The following SORCS2 variants were observed in gnomAD, a reference collection of about 807,000 sequenced individuals.
SORCS2 encodes the protein VPS10 domain-containing receptor SorCS2.
Under a neutral mutation model 141.6 loss-of-function variants are expected in SORCS2, and 100 were observed. The ratio of observed to expected loss-of-function variants is 0.71; its 90% confidence interval spans 0.60 to 0.83. The LOEUF (loss-of-function observed/expected upper bound fraction) is 0.83, where lower values mean the gene tolerates loss of function less well. Ranked by LOEUF, SORCS2 falls within the 40% of genes least tolerant of loss-of-function variation. SORCS2 has a pLI of 0.00. For missense variants in SORCS2, 1,646 were observed against 1,560.2 expected (o/e 1.05, Z -0.93); for synonymous variants, 789 against 676.9 (o/e 1.17, Z -2.57).
rs1361263123 is a variant in SORCS2, at chr4:7,427,471, G to A, written c.548+31116G>A. ...ATGGGCCAGAGCACCTCATGGGGAC[G>A]GGATGAGACGGTGGCAGGGGCCGAG... On this transcript the variant is annotated intron_variant, in intron 2 of 26. Transcript: ENST00000507866. 2.6e-5 allele frequency among the ~76,000 whole-genome samples: 4 copies of A among 152,206 alleles called. No homozygotes were observed. In the East Asian group the frequency reaches 5.8e-4, roughly 22 times the overall value.
At position 7,342,787 on chromosome 4, in the gene SORCS2, C is replaced by T. The variant is rs781263995; in HGVS notation, c.481-53501C>T. 5.9e-5 allele frequency among the ~76,000 whole-genome samples: 9 copies of T among 152,164 alleles called. No individual in the cohort carries two copies. In the South Asian group the frequency reaches 1.0e-3, roughly 18 times the overall value. ...AGGGGTAATTGGCCGCTGGCATGGG[C>T]GGTAATTATAACGGTTGTTAACCCG... On this transcript the variant is annotated intron_variant, in intron 1 of 26. Transcript: ENST00000507866.
rs149068278 is a variant in SORCS2, at chr4:7,249,449, G to C, written c.480+56323G>C. On this transcript the variant is annotated intron_variant, in intron 1 of 26. Transcript: ENST00000507866. The stretch of plus-strand genomic sequence containing the variant: ...AGTGTCCCTTCAGCTGTCTTCTGTG[G>C]GCCGAGAAGTTGCAGAGCAAGCCCA... 1.0e-3 allele frequency among the ~76,000 whole-genome samples: 156 copies of C among 152,302 alleles called. 2 individuals are homozygous for C. In the East Asian group the frequency reaches 0.029, roughly 28 times the overall value.
At chr4:7,457,129 C>A (rs779103583) in intron 2 of SORCS2, among the ~76,000 whole-genome samples, 6 of 152,182 alleles carry the variant, frequency 3.9e-5, no homozygotes, top group Non-Finnish European at 8.8e-5. Context: ...TGACATCAGT[C>A]AACCAGAGTG....
Position 7,201,449 on chromosome 4 carries a change from G to A in SORCS2, c.480+8323G>A, listed in dbSNP as rs184579498. 6.6e-6 allele frequency among the ~76,000 whole-genome samples: 1 copy of A among 152,302 alleles called. No individual in the cohort carries two copies. Among genetic ancestry groups the A allele is most frequent in the East Asian group, 1.9e-4 (1 of 5,186 alleles). On this transcript the variant is annotated intron_variant, in intron 1 of 26. Transcript: ENST00000507866. This position sits in a 1 kb window ranked among gnomAD's most constrained non-coding sequence, Gnocchi z 4.4. Reference sequence around the variant, plus strand: ...ATAAATTAGCCTCATTCCTCGGCACGCCCCTCAGATGAGAAGGCAGCCCAG... The same window carrying A: ...ATAAATTAGCCTCATTCCTCGGCACACCCCTCAGATGAGAAGGCAGCCCAG...
intron 3 of SORCS2, among the ~76,000 whole-genome samples, chr4:7,587,416 G>C (rs1342761256): frequency 1.3e-5 from 2 of 152,158 alleles, no homozygotes; most frequent in Non-Finnish European, 2.9e-5. Flanking sequence ...TGCCACCCCT[G>C]TCCTGGGAAT....
intron 3 of SORCS2, among the ~76,000 whole-genome samples, chr4:7,635,835 G>A (rs543476414): frequency 2.1e-4 from 32 of 152,276 alleles, no homozygotes; most frequent in African/African-American, 7.5e-4. Flanking sequence ...ATCTTTCTCC[G>A]TCAGGCCCTT....
At chr4:7,251,714 G>A (rs1356395006) in intron 1 of SORCS2, among the ~76,000 whole-genome samples, 4 of 152,154 alleles carry the variant, frequency 2.6e-5, no homozygotes, top group African/African-American at 7.2e-5. Flanking sequence ...GGATGGGGAG[G>A]TGAGAAGTCC....
intron 3 of SORCS2, among the ~76,000 whole-genome samples, chr4:7,538,277 C>G (rs187597696): frequency 2.1e-3 from 317 of 152,352 alleles, no homozygotes; most frequent in African/African-American, 7.3e-3. Flanking sequence ...TCGCCTGCAG[C>G]AGAATCAGCA....
At chr4:7,321,839 C>T (rs1009873028) in intron 1 of SORCS2, among the ~76,000 whole-genome samples, 2 of 152,178 alleles carry the variant, frequency 1.3e-5, no homozygotes, top group Non-Finnish European at 2.9e-5. Flanking sequence ...TGGAATGAGC[C>T]AGGGCCTGAG....
intron 1 of SORCS2, among the ~76,000 whole-genome samples, chr4:7,198,520 C>T (rs2108854440): frequency 6.6e-6 from 1 of 152,204 alleles, no homozygotes; most frequent in East Asian, 1.9e-4. Flanking sequence ...TGGATTGGAG[C>T]CTGAGGTGTG....
At chr4:7,639,020 A>AGCGGGGGGCC (rs1406480828) in intron 4 of SORCS2, among the ~76,000 whole-genome samples, 5 of 151,600 alleles carry the variant, frequency 3.3e-5, no homozygotes, top group Non-Finnish European at 5.9e-5. Context: ...TGAGTGGGGG[A>AGCGGGGGGCC]GCGGGGGGCC....
intron 2 of SORCS2, among the ~76,000 whole-genome samples, chr4:7,467,220 C>T (rs749994): frequency 0.26 from 39,041 of 152,162 alleles, 5,220 homozygotes; most frequent in African/African-American, 0.31. Context: ...TTGGAAGCTG[C>T]CAGACATGGG....
intron 26 of SORCS2, among the ~76,000 whole-genome samples, chr4:7,739,324 C>T (rs1010773126): frequency 7.9e-5 from 12 of 152,246 alleles, no homozygotes; most frequent in South Asian, 2.1e-4. Context: ...CTCCTGCAGG[C>T]GGCATCACCC....
At chr4:7,370,787 C>T (rs896749884) in intron 1 of SORCS2, among the ~76,000 whole-genome samples, 5 of 152,212 alleles carry the variant, frequency 3.3e-5, no homozygotes, top group African/African-American at 1.2e-4. Flanking sequence ...TACTGGTCCT[C>T]TCTGGCTGGT....
chr4:7,702,133 G>A (rs1041373697), intron 12 of SORCS2, among the ~76,000 whole-genome samples: 3 of 152,220 alleles, frequency 2.0e-5, no homozygotes, highest in Admixed American at 6.5e-5. Flanking sequence ...TGAGACGGAT[G>A]AGCGTGCTGG....
chr4:7,486,621 A>G (rs1731005361), intron 2 of SORCS2, among the ~76,000 whole-genome samples: 1 of 152,208 alleles, frequency 6.6e-6, no homozygotes, highest in South Asian at 2.1e-4. Flanking sequence ...TTCAAACAGT[A>G]GAGAATTATT....
At chr4:7,215,740 A>G (rs1474229848) in intron 1 of SORCS2, among the ~76,000 whole-genome samples, 2 of 151,974 alleles carry the variant, frequency 1.3e-5, no homozygotes, top group Non-Finnish European at 2.9e-5. Context: ...ACCAATGGAC[A>G]CTCTGTATCT....
At chr4:7,418,504 G>A (rs537493580) in intron 2 of SORCS2, among the ~76,000 whole-genome samples, 6 of 152,310 alleles carry the variant, frequency 3.9e-5, no homozygotes, top group East Asian at 1.9e-4. Flanking sequence ...AGCGCGAGGT[G>A]GAGTTGGCAG....
chr4:7,400,373 C>A (rs192014356), intron 2 of SORCS2, among the ~76,000 whole-genome samples: 2 of 152,218 alleles, frequency 1.3e-5, no homozygotes, highest in Non-Finnish European at 2.9e-5. Context: ...TTCAAAGAAG[C>A]TTCCCTCACT....
Sources: allele counts gnomAD v4.1 joint callset (sites outside exome capture counted in the v4.1 genomes callset), GRCh38; gene constraint gnomAD v4.1.1; non-coding constraint Gnocchi (gnomAD v3.1); transcripts MANE v1.5; gene names NCBI Gene and HGNC (gene_info 2026-07-23, HGNC 2026-07-21).